Variants in TNS1 observed in about 807,000 individuals in gnomAD.
TNS1 encodes the protein tensin-1.
Under a neutral mutation model 168.6 loss-of-function variants are expected in TNS1, and 62 were observed. The ratio of observed to expected loss-of-function variants is 0.37; its 90% CI spans 0.30 to 0.45. The LOEUF (loss-of-function observed/expected upper bound fraction) is 0.45. Among genes scored for constraint, TNS1 ranks in the 20% least tolerant of loss-of-function variants. TNS1 has a pLI of 1.00. For synonymous variants in TNS1, 934 were observed against 933.2 expected (o/e 1.00, Z -0.02); for missense variants, 2,240 against 2,339.4 (o/e 0.96, Z 0.88).
intron 3 of TNS1, among the ~76,000 whole-genome samples, chr2:217,923,010 C>A (rs963026268): frequency 1.3e-5 from 2 of 152,210 alleles, no homozygotes; most frequent in East Asian, 1.9e-4. Flanking sequence ...CCCCTGGCCA[C>A]CCTCTCAGGA....
At chr2:218,016,770 T>C (rs958716061) in intron 1 of TNS1, among the ~76,000 whole-genome samples, 1 of 152,040 alleles carries the variant, frequency 6.6e-6, no homozygotes, top group Non-Finnish European at 1.5e-5. Context: ...CGTCAAAGAC[T>C]GGAGATGTGA....
At chr2:217,921,260 G>A (rs1274259676) in intron 3 of TNS1, among the ~76,000 whole-genome samples, 2 of 152,184 alleles carry the variant, frequency 1.3e-5, no homozygotes, top group African/African-American at 4.8e-5. Flanking sequence ...GCCCACAGTG[G>A]GCACAGAGTG....
chr2:217,859,759 C>T lies in TNS1; in HGVS notation c.1430-10672G>A, dbSNP rs561930397. On this transcript the variant is annotated intron_variant, in intron 18 of 32. Transcript: ENST00000682258. The stretch of plus-strand genomic sequence containing the variant: ...TTCAGAGTTCGCAATGCCTCACCCT[C>T]GTTCCCAACCACCCAGATCCGAGAG... 7.4e-6 allele frequency: 10 copies of T among 1,348,800 alleles called. No homozygotes were observed. The South Asian group carries it at 1.0e-4, about 14-fold the overall frequency. The allele number at this position is 1,348,800 out of a possible 1,614,324, so 83.6% of individuals were successfully genotyped here.
At chr2:218,009,650 T>A (rs1958688793) in intron 1 of TNS1, among the ~76,000 whole-genome samples, 1 of 152,148 alleles carries the variant, frequency 6.6e-6, no homozygotes, top group Admixed American at 6.5e-5. Context: ...CCGTGTTCAT[T>A]TCACTTCCTT....
intron 19 of TNS1, among the ~76,000 whole-genome samples, chr2:217,843,146 AC>A (rs774355358): frequency 6.7e-6 from 1 of 150,186 alleles, no homozygotes; most frequent in Non-Finnish European, 1.5e-5. Context: ...AAAAAAAAAA[AC>A]ACAAGAGTTT....
chr2:218,014,385 G>T (rs1958737952), upstream of TNS1, among the ~76,000 whole-genome samples: 2 of 152,116 alleles, frequency 1.3e-5, no homozygotes, highest in Non-Finnish European at 2.9e-5. Context: ...TGTCCCTCGG[G>T]TACCAACTTC....
rs184632358 is a variant in TNS1 at position 217,938,823 on chromosome 2, A to G, written c.187-18587T>C. Among the ~76,000 whole-genome samples the G allele has an allele frequency of 2.6e-5, 4 of 152,322 alleles. No individual in the cohort carries two copies. In the East Asian group the frequency reaches 7.7e-4, roughly 29 times the overall value. ...ACACAGATCTGCATGGGCTCCCTGA[A>G]CAGACAAGACCTCCGGAGGGCCGCT... On this transcript the variant is annotated intron_variant, in intron 3 of 32. Transcript: ENST00000682258.
intron 3 of TNS1, among the ~76,000 whole-genome samples, chr2:217,967,710 T>C (rs1025454841): frequency 1.3e-5 from 2 of 152,160 alleles, no homozygotes; most frequent in Non-Finnish European, 2.9e-5. Context: ...CCCGATGGCT[T>C]CACAGGTTTA....
intron 18 of TNS1, among the ~76,000 whole-genome samples, chr2:217,876,371 T>C (rs1304410304): frequency 6.6e-6 from 1 of 152,296 alleles, no homozygotes; most frequent in East Asian, 1.9e-4. Flanking sequence ...GCCAAGTTGC[T>C]AATGGGGTTT....
At chr2:217,846,111 C>A (rs1303594438) in intron 19 of TNS1, among the ~76,000 whole-genome samples, 2 of 152,152 alleles carry the variant, frequency 1.3e-5, no homozygotes, top group African/African-American at 4.8e-5. Context: ...ATATGGACCA[C>A]CCATGGAGCG....
At chr2:218,010,437 C>T, upstream of TNS1, 1 of 374,206 alleles carries the variant, frequency 2.7e-6, no homozygotes, top group Non-Finnish European at 4.7e-6. Context: ...CCGGGGAACC[C>T]CCACGGGGCG....
At chr2:217,877,696 G>A (rs1418495371) in intron 18 of TNS1, among the ~76,000 whole-genome samples, 1 of 152,226 alleles carries the variant, frequency 6.6e-6, no homozygotes, top group Admixed American at 6.5e-5. Context: ...AGGCAGTGAG[G>A]AAAGGGTTAA....
Position 217,960,895 on chromosome 2 carries a change from A to G in TNS1, c.186+17870T>C, listed in dbSNP as rs141265957. ...GTGACTGTCTGGTAGCCACTCCTCT[A>G]CTGAATCACGAACCACTCTGAGCCT... On this transcript the variant is annotated intron_variant, in intron 3 of 32. Transcript: ENST00000682258. 2.0e-3 allele frequency among the ~76,000 whole-genome samples: 306 copies of G among 152,200 alleles called. 3 individuals carry two copies. The highest frequency in any genetic ancestry group is 6.9e-3 in the African/African-American group (286 of 41,512).
chr2:217,941,992 A>T (rs1956935179), intron 3 of TNS1, among the ~76,000 whole-genome samples: 1 of 152,146 alleles, frequency 6.6e-6, no homozygotes. Flanking sequence ...TCTGCAAAAC[A>T]ATAACATCTT....
In TNS1 at chr2:217,836,035, G is replaced by C. The variant is rs1945118116; in HGVS notation, c.3184C>G (p.Pro1062Ala). 1.2e-6 allele frequency: 2 copies of C among 1,613,816 alleles called. No individual in the cohort carries two copies. The highest frequency in any genetic ancestry group is 1.7e-5 in the Admixed American group (1 of 60,012). The part of the protein sequence containing the change: ...PELALTIALN[P>A]GGRPKEPHLH... ...CTCACCTCTTTGGGCCGCCCTCCAG[G>C]ATTGAGAGCGATGGTAAGAGCCAGC... Residue 1062 changes from proline (P) to alanine (A), a missense_variant, in exon 20 of 33, where the codon CCT becomes GCT. Coordinates refer to ENST00000682258, the MANE Select transcript of TNS1 (RefSeq NM_001387777.1).
chr2:217,839,151 C>T (rs1168841536), intron 19 of TNS1, among the ~76,000 whole-genome samples: 2 of 151,908 alleles, frequency 1.3e-5, no homozygotes, highest in African/African-American at 2.4e-5. Flanking sequence ...ACTGGGTCAC[C>T]CTCAGAACCT....
intron 3 of TNS1, among the ~76,000 whole-genome samples, chr2:217,933,242 G>A (rs146976123): frequency 9.2e-5 from 14 of 152,326 alleles, no homozygotes; most frequent in African/African-American, 2.9e-4. Context: ...GGAAGGAGGA[G>A]GGCAAACGGA....
intron 18 of TNS1, chr2:217,858,670 G>A (rs1948452468): frequency 9.9e-6 from 1 of 101,058 alleles, no homozygotes; most frequent in Non-Finnish European, 1.2e-5. Context: ...GCCTGCCCAT[G>A]TACACACACA....
intron 3 of TNS1, among the ~76,000 whole-genome samples, chr2:217,922,580 A>G (rs1955781521): frequency 1.3e-5 from 2 of 152,154 alleles, no homozygotes; most frequent in Non-Finnish European, 2.9e-5. Flanking sequence ...GGATTGGAAA[A>G]GGGAGGGAGG....
Sources: allele counts gnomAD v4.1 joint callset (sites outside exome capture counted in the v4.1 genomes callset), GRCh38; gene constraint gnomAD v4.1.1; transcripts MANE v1.5; gene names NCBI Gene and HGNC (gene_info 2026-07-23, HGNC 2026-07-21).